YME1L1: variants seen among roughly 807,000 people sequenced by gnomAD.
YME1L1 encodes the protein YME1 like 1 ATPase, also known as ATP-dependent zinc metalloprotease YME1L1.
YME1L1 carries 39 observed loss-of-function variants against 90.4 expected under a neutral mutation model. The observed-to-expected ratio is 0.43, with a 90% CI of 0.33 to 0.56. YME1L1 has a LOEUF of 0.56. Ranked by LOEUF, YME1L1 falls within the 20% of genes least tolerant of loss-of-function variation. YME1L1 has a pLI of 0.03. For missense variants in YME1L1, 617 were observed against 868.4 expected, an observed-to-expected ratio of 0.71 and a Z score of 3.64; for synonymous variants, 284 against 287.3, an observed-to-expected ratio of 0.99 and a Z score of 0.12.
At chr10:27,147,492 G>T in intron 2 of YME1L1, 1 of 1,613,882 alleles carries the variant, frequency 6.2e-7, no homozygotes, top group South Asian at 1.1e-5. Context: ...GAAACCCGCA[G>T]TGTACAGGGA....
In YME1L1 at chr10:27,110,435, A is replaced by G. The variant is rs2056748134; in HGVS notation, c.*1542T>C. Reference sequence around the variant, plus strand: ...AACAATATCTATCTTTTTTCAATGAAGACCATATACAGCTTAAATTATTAG... The same window carrying G: ...AACAATATCTATCTTTTTTCAATGAGGACCATATACAGCTTAAATTATTAG... On this transcript the variant is annotated 3_prime_UTR_variant, in exon 19 of 19. Transcript: ENST00000376016. 2 of 152,184 alleles carry G rather than the reference A, an allele frequency of 1.3e-5. No individual in the cohort carries two copies. Among genetic ancestry groups the G allele is most frequent in the Non-Finnish European group, 2.9e-5 (2 of 68,024 alleles). The allele number at this position is 152,184 out of a possible 1,614,324, so 9.4% of individuals were successfully genotyped here. A position where few individuals can be genotyped will look rare whatever the true frequency, so the allele number is the denominator to read the frequency against.
chr10:27,145,658 T>C, intron 2 of YME1L1, 68 bp from the exon 3 acceptor site: 1 of 1,284,796 alleles, frequency 7.8e-7, no homozygotes, highest in South Asian at 1.8e-5. Context: ...GGAGTACATA[T>C]TATCAGTTAA....
chr10:27,148,558 C>G (rs1220809802), intron 2 of YME1L1, among the ~76,000 whole-genome samples: 1 of 152,156 alleles, frequency 6.6e-6, no homozygotes, highest in African/African-American at 2.4e-5. Flanking sequence ...GCCCACTCAA[C>G]TTGAAGATAA....
At chr10:27,131,810 T>C in intron 8 of YME1L1, 49 bp downstream of exon 8, 1 of 1,369,722 alleles carries the variant, frequency 7.3e-7, no homozygotes, top group Non-Finnish European at 1.0e-6. Flanking sequence ...TCATATAGAG[T>C]ATCAATTAGA....
chr10:27,151,280 C>T (rs2057212241), intron 1 of YME1L1, among the ~76,000 whole-genome samples: 1 of 152,130 alleles, frequency 6.6e-6, no homozygotes, highest in South Asian at 2.1e-4. Context: ...GGATCAGGGC[C>T]CACTTCCAGT....
At chr10:27,144,238 A>T (rs752095327) in intron 3 of YME1L1, among the ~76,000 whole-genome samples, 12 of 152,240 alleles carry the variant, frequency 7.9e-5, no homozygotes, top group Non-Finnish European at 1.8e-4. Context: ...TCTATTGAAC[A>T]CTTGGTATGG....
intron 18 of YME1L1, among the ~76,000 whole-genome samples, chr10:27,113,341 A>G (rs1366423721): frequency 2.0e-5 from 3 of 149,506 alleles, no homozygotes; most frequent in Middle Eastern, 3.4e-3. Context: ...TCCCACATCT[A>G]TTTCCAACTA....
chr10:27,147,741 G>A (rs2057161537), intron 2 of YME1L1: 2 of 1,536,728 alleles, frequency 1.3e-6, no homozygotes, highest in African/African-American at 1.4e-5. Flanking sequence ...AACACCCGTG[G>A]TTTCTATAGC....
chr10:27,143,496 C>G (rs1302715484), intron 3 of YME1L1, among the ~76,000 whole-genome samples: 4 of 151,672 alleles, frequency 2.6e-5, no homozygotes, highest in Admixed American at 1.3e-4. Flanking sequence ...TCAGGAGATA[C>G]AGACCATCCT....
intron 18 of YME1L1, 73 bp from the exon 19 acceptor site, chr10:27,112,193 G>T: frequency 7.1e-7 from 1 of 1,417,066 alleles, no homozygotes. Flanking sequence ...GGAAGAGAAA[G>T]AAAAACTTTA....
chr10:27,120,438 G>A lies in YME1L1; in HGVS notation c.1408C>T (p.Gln470Ter). The A allele has an allele frequency of 6.2e-7, 1 of 1,606,740 alleles. No individual in the cohort carries two copies. Among genetic ancestry groups the A allele is most frequent in the South Asian group, 1.1e-5 (1 of 90,758 alleles). Residue 470 changes from glutamine (Q) to a stop codon, truncating the protein, a stop_gained, in exon 13 of 19, where the codon CAA (glutamine) becomes TAA (stop). Transcript: ENST00000376016. LOFTEE classifies it high-confidence loss of function. ...AAATGTTTGTTTTGATACTTACATT[G>A]ATCAAACTTTATTTTATTGAGATAC... is the stretch of plus-strand genomic sequence containing the variant. ...KWYLNKIKFD[Q>*]SVDPEIIARG...
chr10:27,137,383 C>T (rs575709626), intron 4 of YME1L1, among the ~76,000 whole-genome samples: 1 of 152,296 alleles, frequency 6.6e-6, no homozygotes, highest in South Asian at 2.1e-4. Context: ...AACCATTTCC[C>T]TGAACATTAT....
Position 27,111,776 on chromosome 10 carries a change from G to T in YME1L1, c.*201C>A. On this transcript the variant is annotated 3_prime_UTR_variant, in exon 19 of 19. Coordinates refer to ENST00000376016, the MANE Select transcript of YME1L1 (RefSeq NM_014263.4). ...TTCTTTATTTTTTCAAAATATATTT[G>T]CCATGGGATGCTAATTTGCAATAGG... 7.3e-6 allele frequency: 5 copies of T among 685,742 alleles called. No individual in the cohort carries two copies. In the East Asian group the frequency reaches 8.5e-5, roughly 12 times the overall value. 42.5% of individuals were successfully genotyped at this position (685,742 alleles called of 1,614,324 possible).
chr10:27,148,998 G>T lies in YME1L1; in HGVS notation c.76C>A (p.Pro26Thr). ...CTGAGAGAAACAGAAGTGTTTTTTG[G>T]TGTATGGAAGGCATTGATGAGATGA... is the stretch of plus-strand genomic sequence containing the variant. ...LSHLINAFHT[P>T]KNTSVSLSGV... Residue 26 changes from proline (P) to threonine (T), a missense_variant, in exon 2 of 19, where the codon CCA becomes ACA. By Grantham distance (38) the Pro-to-Thr change is conservative. Around this residue, in one of 4 missense-constraint regions of YME1L1, gnomAD observed 311 missense variants for 335.8 expected, o/e 0.93. Transcript: ENST00000376016. 6.2e-7 allele frequency: 1 copy of T among 1,613,752 alleles called. No homozygotes were observed. The highest frequency in any genetic ancestry group is 1.1e-5 in the South Asian group (1 of 91,016).
At chr10:27,147,863 G>C (rs1043895485) in intron 2 of YME1L1, among the ~76,000 whole-genome samples, 1 of 152,166 alleles carries the variant, frequency 6.6e-6, no homozygotes, top group African/African-American at 2.4e-5. Context: ...AGCTTCTCTA[G>C]TAGGACACAT....
chr10:27,118,551 A>T (rs1486311261), intron 14 of YME1L1, among the ~76,000 whole-genome samples: 1 of 152,184 alleles, frequency 6.6e-6, no homozygotes, highest in Non-Finnish European at 1.5e-5. Context: ...TGGCCTCCCA[A>T]AGTGCTGGGA....
rs116412874 is a variant in YME1L1, at chr10:27,118,096, T to C, written c.1568-369A>G. Reference sequence around the variant, plus strand: ...CTGGAACCAATCCCCACCCCTTCAGTGGATACTGAGAGGTGAATGTATCTG... The same window carrying C: ...CTGGAACCAATCCCCACCCCTTCAGCGGATACTGAGAGGTGAATGTATCTG... On this transcript the variant is annotated intron_variant, in intron 14 of 18. Transcript: ENST00000376016. Among the ~76,000 whole-genome samples the C allele has an allele frequency of 5.4e-3, 820 of 152,272 alleles. 9 individuals are homozygous for C. The highest frequency in any genetic ancestry group is 0.023 in the South Asian group (109 of 4,822).
chr10:27,121,454 T>C lies in YME1L1; in HGVS notation c.1236-6A>G. 2 of 1,580,040 alleles carry C rather than the reference T, an allele frequency of 1.3e-6. No individual in the cohort carries two copies. The highest frequency in any genetic ancestry group is 2.2e-5 in the East Asian group (1 of 44,638). ...CTCCTTCATTGGGTTTAAAACTATA[T>C]TGGAAAAAAAATAGTATCTTTTACT... On this transcript the variant is annotated splice_region_variant and splice_polypyrimidine_tract_variant and intron_variant, in intron 11 of 18. Coordinates refer to ENST00000376016, the MANE Select transcript of YME1L1 (RefSeq NM_014263.4).
intron 3 of YME1L1, among the ~76,000 whole-genome samples, chr10:27,143,286 T>C (rs2057108818): frequency 6.7e-6 from 1 of 150,204 alleles, no homozygotes; most frequent in Non-Finnish European, 1.5e-5. Flanking sequence ...GGAGAATCAC[T>C]TGAACCCGGG....
Sources: allele counts gnomAD v4.1 joint callset (sites outside exome capture counted in the v4.1 genomes callset), GRCh38; gene constraint gnomAD v4.1.1; regional missense constraint gnomAD v4.1.1; transcripts MANE v1.5; gene names NCBI Gene and HGNC (gene_info 2026-07-23, HGNC 2026-07-21).